The following FHIP1A variants were observed in gnomAD, a reference collection of about 807,000 sequenced individuals.
FHIP1A encodes FHF complex subunit HOOK-interacting protein 1A.
Under a neutral mutation model 88.6 loss-of-function variants are expected in FHIP1A, and 61 were observed. The observed-to-expected ratio is 0.69, with a 90% CI of 0.56 to 0.85. FHIP1A has a LOEUF of 0.85. FHIP1A is among the 40% of genes least tolerant of loss of function. FHIP1A has a pLI of 0.00. For synonymous variants in FHIP1A, 478 were observed against 496.0 expected (o/e 0.96, Z 0.48); for missense variants, 1,154 against 1,273.5 (o/e 0.91, Z 1.43).
At chr4:151,554,720 C>T (rs1732879248) in intron 3 of FHIP1A, among the ~76,000 whole-genome samples, 1 of 152,178 alleles carries the variant, frequency 6.6e-6, no homozygotes, top group South Asian at 2.1e-4. Flanking sequence ...GGACAGAGTG[C>T]TCCCTTTTAG....
intron 11 of FHIP1A, among the ~76,000 whole-genome samples, chr4:151,653,332 A>G (rs1433390235): frequency 1.3e-5 from 2 of 151,732 alleles, no homozygotes; most frequent in Non-Finnish European, 2.9e-5. Context: ...TATTGTTAAA[A>G]ATACTAGGTC....
intron 3 of FHIP1A, among the ~76,000 whole-genome samples, chr4:151,484,797 T>A (rs1462018576): frequency 1.3e-5 from 2 of 152,216 alleles, no homozygotes; most frequent in East Asian, 3.8e-4. Context: ...GATAATTGTA[T>A]ATTTGAATAT....
chr4:151,419,029 G>A (rs1020218067), intron 1 of FHIP1A, among the ~76,000 whole-genome samples: 3 of 152,224 alleles, frequency 2.0e-5, no homozygotes, highest in Admixed American at 6.5e-5. Context: ...AACTCAAGGC[G>A]TGATGGTTAA....
At chr4:151,470,326 A>G (rs1729463879) in intron 2 of FHIP1A, among the ~76,000 whole-genome samples, 1 of 152,232 alleles carries the variant, frequency 6.6e-6, no homozygotes, top group African/African-American at 2.4e-5. Context: ...AGGCTGTCAT[A>G]GAAAAGGAGT....
At chr4:151,530,156 G>C (rs963729350) in intron 3 of FHIP1A, among the ~76,000 whole-genome samples, 28 of 152,124 alleles carry the variant, frequency 1.8e-4, no homozygotes, top group Non-Finnish European at 3.5e-4. Context: ...ATTGGAGTGG[G>C]GGTGGTTCTT....
At chr4:151,500,358 A>G (rs1222499272) in intron 3 of FHIP1A, among the ~76,000 whole-genome samples, 3 of 151,534 alleles carry the variant, frequency 2.0e-5, no homozygotes, top group Non-Finnish European at 4.4e-5. Context: ...AGAATCTACT[A>G]ATTTACTATT....
intron 3 of FHIP1A, among the ~76,000 whole-genome samples, chr4:151,563,203 A>G (rs912642672): frequency 1.6e-4 from 24 of 152,198 alleles, no homozygotes; most frequent in African/African-American, 5.5e-4. Context: ...ATATCAAGCT[A>G]TTGTATATAT....
intron 2 of FHIP1A, among the ~76,000 whole-genome samples, chr4:151,455,342 C>G (rs954500486): frequency 2.6e-5 from 4 of 152,170 alleles, no homozygotes; most frequent in Non-Finnish European, 2.9e-5. Context: ...AAAACCTTGC[C>G]AATGCTTTAT....
chr4:151,419,560 T>G (rs1733034248), intron 1 of FHIP1A, among the ~76,000 whole-genome samples: 2 of 81,202 alleles, frequency 2.5e-5, no homozygotes, highest in Admixed American at 1.2e-4. Context: ...GCTGGTCTGT[T>G]CCTCATTCTT....
intron 1 of FHIP1A, among the ~76,000 whole-genome samples, chr4:151,450,273 T>C (rs1010575169): frequency 1.3e-5 from 2 of 152,204 alleles, no homozygotes; most frequent in Non-Finnish European, 2.9e-5. Flanking sequence ...TTTTTATATA[T>C]TCTTATTTAT....
intron 3 of FHIP1A, among the ~76,000 whole-genome samples, chr4:151,503,176 A>G (rs1167958395): frequency 6.6e-6 from 1 of 152,116 alleles, no homozygotes; most frequent in East Asian, 1.9e-4. Context: ...AAGTACTCCT[A>G]CCTTATGGAT....
Position 151,639,961 on chromosome 4 carries a change from T to G in FHIP1A, c.1226+1205T>G, listed in dbSNP as rs147492337. On this transcript the variant is annotated intron_variant, in intron 9 of 13. Coordinates refer to ENST00000435205, the MANE Select transcript of FHIP1A (RefSeq NM_001109977.3). The stretch of plus-strand genomic sequence containing the variant: ...GTCCACATTGGGGTTTTGACATGAT[T>G]TGAGTAGAGGTTACTGAGAAGAAGA... Among the ~76,000 whole-genome samples the G allele has an allele frequency of 9.2e-5, 14 of 152,234 alleles. No individual in the cohort carries two copies. The East Asian group carries it at 2.5e-3, about 27-fold the overall frequency.
chr4:151,505,738 A>G (rs11726570), intron 3 of FHIP1A, among the ~76,000 whole-genome samples: 1 of 151,984 alleles, frequency 6.6e-6, no homozygotes, highest in African/African-American at 2.4e-5. Flanking sequence ...CCTACTCAGG[A>G]GGCTGAGAAG....
chr4:151,430,313 T>C (rs1158184893), intron 1 of FHIP1A, among the ~76,000 whole-genome samples: 1 of 152,246 alleles, frequency 6.6e-6, no homozygotes, highest in Non-Finnish European at 1.5e-5. Flanking sequence ...AGTTAACACT[T>C]ATAAAGTGCC....
At chr4:151,511,168 C>A in intron 3 of FHIP1A, among the ~76,000 whole-genome samples, 1 of 152,166 alleles carries the variant, frequency 6.6e-6, no homozygotes, top group East Asian at 1.9e-4. Context: ...ATGTATTATT[C>A]AATCTAAAAT....
chr4:151,524,301 CAAAA>C (rs5862962), intron 3 of FHIP1A, among the ~76,000 whole-genome samples: 1 of 136,586 alleles, frequency 7.3e-6, no homozygotes, highest in African/African-American at 2.7e-5. Context: ...GAATCTGTCT[CAAAA>C]AAAAAAAAAA....
chr4:151,649,867 C>G lies in FHIP1A; in HGVS notation c.1826C>G (p.Ala609Gly), dbSNP rs1035486570. 1.3e-6 allele frequency: 2 copies of G among 1,551,596 alleles called. No homozygotes were observed. Among genetic ancestry groups the G allele is most frequent in the Non-Finnish European group, 8.7e-7 (1 of 1,146,970 alleles). The change falls in exon 11 of 14, where the codon GCA (alanine) becomes GGA (glycine). Residue 609 changes from alanine to glycine, a missense_variant. Coordinates refer to ENST00000435205, the MANE Select transcript of FHIP1A (RefSeq NM_001109977.3). ...GATCTGGAGGTTTCAGGCCCCCCAGCACCCATTGATCCCCCCAAACACATC... is the reference window on the plus strand; with the variant it reads ...GATCTGGAGGTTTCAGGCCCCCCAGGACCCATTGATCCCCCCAAACACATC... ...YDDLEVSGPP[A>G]PIDPPKHIQE...
intron 3 of FHIP1A, among the ~76,000 whole-genome samples, chr4:151,522,210 A>G (rs1470903089): frequency 6.6e-6 from 1 of 152,164 alleles, no homozygotes; most frequent in African/African-American, 2.4e-5. Flanking sequence ...TTCTAGCCCC[A>G]GTGCTGATTC....
chr4:151,532,247 T>C (rs1288568434), intron 3 of FHIP1A, among the ~76,000 whole-genome samples: 2 of 152,208 alleles, frequency 1.3e-5, no homozygotes, highest in African/African-American at 2.4e-5. Context: ...CATAAATCTT[T>C]TTCTTGCTAT....
Sources: allele counts gnomAD v4.1 joint callset (sites outside exome capture counted in the v4.1 genomes callset), GRCh38; gene constraint gnomAD v4.1.1; transcripts MANE v1.5; gene names NCBI Gene and HGNC (gene_info 2026-07-23, HGNC 2026-07-21).